The following BCL2L14 variants were observed in gnomAD, a reference collection of about 807,000 sequenced individuals.
The protein encoded by BCL2L14 is BCL2 like 14, also known as apoptosis facilitator Bcl-2-like protein 14.
BCL2L14 carries 27 observed loss-of-function variants against 35.3 expected under a neutral mutation model. The observed-to-expected ratio is 0.76, with a 90% CI of 0.56 to 1.05. BCL2L14 has a LOEUF of 1.05. Among genes scored for constraint, BCL2L14 ranks in the 50% least tolerant of loss-of-function variants. The pLI is 0.00. For missense variants in BCL2L14, 377 were observed against 382.6 expected (o/e 0.99, Z 0.12); for synonymous variants, 139 against 145.9 (o/e 0.95, Z 0.34).
intron 2 of BCL2L14, among the ~76,000 whole-genome samples, chr12:12,058,390 A>G (rs112164065): frequency 5.9e-5 from 9 of 152,018 alleles, no homozygotes; most frequent in African/African-American, 1.9e-4. Context: ...AGCTGGGATT[A>G]CAGTCATGTG....
intron 2 of BCL2L14, among the ~76,000 whole-genome samples, chr12:12,083,193 T>C (rs1948966277): frequency 6.6e-6 from 1 of 152,152 alleles, no homozygotes; most frequent in African/African-American, 2.4e-5. Context: ...CTCGATCTCC[T>C]GGCCTCGTGA....
chr12:12,079,414 A>G lies in BCL2L14; in HGVS notation c.109A>G (p.Lys37Glu). 6.2e-7 allele frequency: 1 copy of G among 1,614,212 alleles called. No homozygotes were observed. The highest frequency in any genetic ancestry group is 8.5e-7 in the Non-Finnish European group (1 of 1,180,044). The change falls in exon 2 of 6, where the codon AAG becomes GAG. Residue 37 changes from lysine to glutamate, a missense_variant. Physicochemically the swap from Lys to Glu is moderately conservative, Grantham distance 56. Transcript: ENST00000308721. ...CTACTACACCAGACATCATGTCTTC[A>G]AGAGCACCCCTGCTCTCTTCTCACC... ...LAYYTRHHVF[K>E]STPALFSPKL...
chr12:12,060,868 C>G (rs1429203452), intron 2 of BCL2L14, among the ~76,000 whole-genome samples: 6 of 117,960 alleles, frequency 5.1e-5, no homozygotes, highest in African/African-American at 1.7e-4. Context: ...TGACGCTGCC[C>G]GATAGCTTCG....
At chr12:12,087,512 C>G in intron 3 of BCL2L14, 126 bp downstream of exon 3, 1 of 1,081,088 alleles carries the variant, frequency 9.2e-7, no homozygotes, top group Non-Finnish European at 1.3e-6. Flanking sequence ...TTGACAGCCA[C>G]AGGCTGTGGG....
intron 2 of BCL2L14, among the ~76,000 whole-genome samples, chr12:12,084,943 G>C (rs1010273126): frequency 2.0e-5 from 3 of 151,724 alleles, no homozygotes; most frequent in African/African-American, 7.3e-5. Context: ...ACGTAGTGGC[G>C]GGAGCCACTA....
At chr12:12,090,878 G>T in intron 4 of BCL2L14, 29 bp downstream of exon 4, 1 of 1,565,684 alleles carries the variant, frequency 6.4e-7, no homozygotes, top group South Asian at 1.2e-5. Flanking sequence ...TGATGCGATT[G>T]ATTTCTGTGC....
chr12:12,087,303 T>C lies in BCL2L14; in HGVS notation c.524T>C (p.Phe175Ser), dbSNP rs1221116550. 41 of 1,614,118 alleles carry C rather than the reference T, an allele frequency of 2.5e-5. No homozygotes were observed. The highest frequency in any genetic ancestry group is 3.2e-5 in the Non-Finnish European group (38 of 1,180,048). Residue 175 changes from phenylalanine (F) to serine (S), a missense_variant, in exon 3 of 6, where the codon TTC becomes TCC. Phe to Ser is a radical substitution (Grantham distance 155). Transcript: ENST00000308721. ...CCACAAGCGACCCAGGCAGGAGGCT[T>C]CAAGTCCAAAGAGATTTTTGTAACT... ...PPPQATQAGG[F>S]KSKEIFVTEG...
chr12:12,092,567 G>A (rs921368105), intron 4 of BCL2L14, among the ~76,000 whole-genome samples: 7 of 152,194 alleles, frequency 4.6e-5, no homozygotes, highest in Admixed American at 1.3e-4. Flanking sequence ...AGGTGCACCC[G>A]AGAGGGACAG....
At chr12:12,078,820 C>A (rs957692277) in intron 1 of BCL2L14, among the ~76,000 whole-genome samples, 1 of 48,440 alleles carries the variant, frequency 2.1e-5, no homozygotes, top group African/African-American at 7.4e-5. Flanking sequence ...TTTTTTGAGA[C>A]GGAGTCTCAC....
In BCL2L14 at chr12:12,061,299, C is replaced by G. The variant is rs191758588; in HGVS notation, c.-272+9452C>G. ...CCCACAAGTATAAGATACCTCTACT[C>G]CCTCCTTGGCGACCAATCACACACC... On this transcript the variant is annotated intron_variant, in intron 2 of 3. Coordinates refer to the BCL2L14 transcript ENST00000461264. 3.2e-3 allele frequency among the ~76,000 whole-genome samples: 484 copies of G among 151,770 alleles called. 3 individuals carry two copies. The highest frequency in any genetic ancestry group is 0.011 in the African/African-American group (455 of 41,458).
chr12:12,072,525 G>A (rs764647070), intron 1 of BCL2L14: 3 of 152,236 alleles, frequency 2.0e-5, no homozygotes, highest in Non-Finnish European at 4.4e-5. Flanking sequence ...GTAAACATAG[G>A]GCAGTGAAGC....
Position 12,099,367 on chromosome 12 carries a change from G to C in BCL2L14, c.*379G>C, listed in dbSNP as rs962734868. On this transcript the variant is annotated 3_prime_UTR_variant, in exon 6 of 6. Coordinates refer to ENST00000308721, the MANE Select transcript of BCL2L14 (RefSeq NM_138723.2). ...GAGTGAAAAGATAAACTGTGCATGT[G>C]TTTCCACTTCCGTTTCTAGTACTAT... 9.8e-6 allele frequency: 2 copies of C among 205,052 alleles called. No homozygotes were observed. Among genetic ancestry groups the C allele is most frequent in the Non-Finnish European group, 9.6e-6 (1 of 103,996 alleles). 12.7% of individuals were successfully genotyped at this position (205,052 alleles called of 1,614,324 possible).
Position 12,087,289 on chromosome 12 carries a change from C to T in BCL2L14, c.510C>T (p.Thr170=). Residue 170 remains threonine, a synonymous_variant, in exon 3 of 6, where the codon ACC becomes ACT. Coordinates refer to ENST00000308721, the MANE Select transcript of BCL2L14 (RefSeq NM_138723.2). ...ACTCCTGGCCACCACCACAAGCGAC[C>T]CAGGCAGGAGGCTTCAAGTCCAAAG... The part of the protein sequence containing the change: ...IVYSWPPPQA[T]QAGGFKSKEI... The T allele has an allele frequency of 1.2e-6, 2 of 1,614,186 alleles. No individual in the cohort carries two copies. Among genetic ancestry groups the T allele is most frequent in the Non-Finnish European group, 1.7e-6 (2 of 1,180,022 alleles).
chr12:12,094,284 C>G (rs1949262112), intron 4 of BCL2L14, among the ~76,000 whole-genome samples: 1 of 152,096 alleles, frequency 6.6e-6, no homozygotes, highest in Non-Finnish European at 1.5e-5. Flanking sequence ...AGATCCTGTC[C>G]CTTACACTAC....
At chr12:12,066,306 G>C (rs990176351), upstream of BCL2L14, among the ~76,000 whole-genome samples, 2 of 152,096 alleles carry the variant, frequency 1.3e-5, no homozygotes, top group African/African-American at 2.4e-5. Flanking sequence ...ATTTCATTGA[G>C]TTTCATCATT....
chr12:12,063,817 G>C (rs1948561317), intron 2 of BCL2L14, among the ~76,000 whole-genome samples: 1 of 152,048 alleles, frequency 6.6e-6, no homozygotes, highest in South Asian at 2.1e-4. Context: ...TGCCTTAACT[G>C]ATGACATTGT....
intron 3 of BCL2L14, among the ~76,000 whole-genome samples, chr12:12,089,318 A>T (rs1221771819): frequency 6.6e-6 from 1 of 151,734 alleles, no homozygotes; most frequent in Non-Finnish European, 1.5e-5. Context: ...GCAGTGAGCC[A>T]AGATTACGCC....
At chr12:12,083,732 C>A (rs953462648) in intron 2 of BCL2L14, among the ~76,000 whole-genome samples, 1 of 151,940 alleles carries the variant, frequency 6.6e-6, no homozygotes, top group Non-Finnish European at 1.5e-5. Context: ...ATCACTTGAG[C>A]CAAAGAGTTT....
intron 1 of BCL2L14, among the ~76,000 whole-genome samples, chr12:12,076,965 A>C (rs1275321072): frequency 2.0e-5 from 3 of 152,174 alleles, no homozygotes; most frequent in Non-Finnish European, 4.4e-5. Flanking sequence ...AGGATGTTGC[A>C]GGTTAGAAGC....
Sources: gnomAD v4.1 joint callset for allele counts (sites outside exome capture counted in the v4.1 genomes callset) on GRCh38, gnomAD v4.1.1 for gene constraint, MANE v1.5 for transcripts, NCBI Gene and HGNC (gene_info 2026-07-23, HGNC 2026-07-21) for gene names.